Variants in NREP observed in about 807,000 individuals in gnomAD.
NREP encodes the protein neuronal regeneration-related protein.
NREP carries 5 observed loss-of-function variants against 8.6 expected under a neutral mutation model. The observed-to-expected ratio is 0.58, with a 90% CI of 0.30 to 1.22. The LOEUF (loss-of-function observed/expected upper bound fraction) is 1.22, where lower values mean the gene tolerates loss of function less well. Among genes scored for constraint, NREP ranks in the 50% most tolerant of loss-of-function variants. The pLI is 0.07. For missense variants in NREP, 86 were observed against 82.5 expected (o/e 1.04, Z -0.17); for synonymous variants, 27 against 28.0 (o/e 0.96, Z 0.11).
intron 2 of NREP, among the ~76,000 whole-genome samples, chr5:111,841,361 C>T (rs1022500248): frequency 6.6e-6 from 1 of 152,172 alleles, no homozygotes; most frequent in East Asian, 1.9e-4. Flanking sequence ...CAACAGCATT[C>T]TTTCCATCCT....
chr5:111,844,299 A>T (rs1753104568), intron 2 of NREP, among the ~76,000 whole-genome samples: 1 of 152,012 alleles, frequency 6.6e-6, no homozygotes, highest in Admixed American at 6.6e-5. Flanking sequence ...TATCCTCCTA[A>T]ACCTTATTCA....
intron 2 of NREP, among the ~76,000 whole-genome samples, chr5:111,741,824 TACACAC>T (rs112980817): frequency 2.7e-4 from 20 of 73,486 alleles, no homozygotes; most frequent in South Asian, 4.1e-4. Context: ...AACACACACA[TACACAC>T]ACACACACAC....
At chr5:111,847,315 A>C (rs146989401) in intron 2 of NREP, among the ~76,000 whole-genome samples, 285 of 152,206 alleles carry the variant, frequency 1.9e-3, no homozygotes, top group African/African-American at 6.6e-3. Context: ...ATGCACAGAG[A>C]GAAAGATCTT....
chr5:111,833,622 G>A (rs1032538592), intron 2 of NREP, among the ~76,000 whole-genome samples: 3 of 152,198 alleles, frequency 2.0e-5, no homozygotes, highest in African/African-American at 7.2e-5. Flanking sequence ...ATTGAGGTCA[G>A]TACTGCAGGA....
intron 2 of NREP, among the ~76,000 whole-genome samples, chr5:111,963,643 G>A (rs1756543313): frequency 6.6e-6 from 1 of 152,156 alleles, no homozygotes; most frequent in Non-Finnish European, 1.5e-5. Context: ...ATTTCAAACA[G>A]TTTGTACTCA....
chr5:111,956,963 C>CTAAATAAA (rs10665112), intron 2 of NREP, among the ~76,000 whole-genome samples: 31,488 of 142,582 alleles, frequency 0.22, 4,074 homozygotes, highest in Non-Finnish European at 0.29. Context: ...GACCATGTCT[C>CTAAATAAA]TAAATAAATA....
chr5:111,767,508 G>A (rs1455082316), intron 2 of NREP, among the ~76,000 whole-genome samples: 1 of 152,128 alleles, frequency 6.6e-6, no homozygotes, highest in Non-Finnish European at 1.5e-5. Context: ...CATCTCCCTT[G>A]AATAGCTGGG....
At chr5:111,971,121 A>C (rs142538060) in intron 2 of NREP, among the ~76,000 whole-genome samples, 2 of 152,174 alleles carry the variant, frequency 1.3e-5, no homozygotes, top group South Asian at 2.1e-4. Context: ...TTATGCTTTG[A>C]GAAACAATCT....
chr5:111,782,907 G>A (rs947542441), intron 2 of NREP, among the ~76,000 whole-genome samples: 1 of 151,892 alleles, frequency 6.6e-6, no homozygotes, highest in Admixed American at 6.6e-5. Context: ...GCTAATTTTT[G>A]TATTTAAACG....
At chr5:111,902,487 A>G (rs965619079) in intron 2 of NREP, among the ~76,000 whole-genome samples, 6 of 152,160 alleles carry the variant, frequency 3.9e-5, no homozygotes, top group African/African-American at 1.2e-4. Context: ...ACGTGGTTTT[A>G]CAGATATGAT....
At chr5:111,838,934 TTA>T in intron 2 of NREP, among the ~76,000 whole-genome samples, 1 of 151,920 alleles carries the variant, frequency 6.6e-6, no homozygotes, top group African/African-American at 2.4e-5. Flanking sequence ...AATTAGACAA[TTA>T]AAGTATTGTC....
chr5:111,861,778 C>T (rs79794397), intron 2 of NREP, among the ~76,000 whole-genome samples: 8,439 of 152,104 alleles, frequency 0.055, 266 homozygotes, highest in Non-Finnish European at 0.07. Context: ...AATGATAATC[C>T]TAATCACGTT....
exon 2 of NREP, chr5:111,975,321 A>C: frequency 6.4e-7 from 1 of 1,551,646 alleles, no homozygotes. Context: ...CATTTGGAAC[A>C]AGGGACTCTG....
chr5:111,941,162 G>A (rs1177642966), intron 2 of NREP, among the ~76,000 whole-genome samples: 1 of 152,034 alleles, frequency 6.6e-6, no homozygotes, highest in African/African-American at 2.4e-5. Context: ...ATTGTAAATA[G>A]GCATTCAATT....
intron 2 of NREP, among the ~76,000 whole-genome samples, chr5:111,973,892 G>A (rs1756890041): frequency 6.6e-6 from 1 of 152,150 alleles, no homozygotes; most frequent in South Asian, 2.1e-4. Flanking sequence ...GTTTAATGCT[G>A]TTTTATCTAC....
intron 2 of NREP, among the ~76,000 whole-genome samples, chr5:111,952,546 T>C (rs75902374): frequency 0.036 from 5,478 of 152,210 alleles, 328 homozygotes; most frequent in African/African-American, 0.13. Context: ...CTTTGACAAG[T>C]AAATGAGGCA....
chr5:111,946,121 C>A (rs542107430), intron 2 of NREP, among the ~76,000 whole-genome samples: 1 of 150,018 alleles, frequency 6.7e-6, no homozygotes, highest in Non-Finnish European at 1.5e-5. Flanking sequence ...TAAATTTGAA[C>A]GAGCTAGTGA....
Position 111,911,147 on chromosome 5 carries a change from AC to A in NREP, c.135+64126del, listed in dbSNP as rs370723835. Reference sequence around the variant, plus strand: ...CTCTGCACCCAGCAATCTGGATATCACCCCTGCACCCAGTGTTCTGGATATC... The same window carrying A: ...CTCTGCACCCAGCAATCTGGATATCACCCTGCACCCAGTGTTCTGGATATC... On this transcript the variant is annotated intron_variant, in intron 2 of 3. Transcript: ENST00000395634. Among the ~76,000 whole-genome samples the A allele has an allele frequency of 2.5e-3, 375 of 151,864 alleles. 3 individuals carry two copies. Among genetic ancestry groups the A allele is most frequent in the African/African-American group, 8.6e-3 (355 of 41,386 alleles).
intron 2 of NREP, among the ~76,000 whole-genome samples, chr5:111,876,028 G>A (rs1581181785): frequency 6.6e-6 from 1 of 152,262 alleles, no homozygotes; most frequent in East Asian, 1.9e-4. Context: ...CATTTGCCTA[G>A]GGTGCAAATC....
Sources: gnomAD v4.1 joint callset for allele counts (sites outside exome capture counted in the v4.1 genomes callset) on GRCh38, gnomAD v4.1.1 for gene constraint, MANE v1.5 for transcripts, NCBI Gene and HGNC (gene_info 2026-07-23, HGNC 2026-07-21) for gene names.